The following MIA2 variants were observed in gnomAD, a reference collection of about 807,000 sequenced individuals.
MIA2 encodes MIA SH3 domain ER export factor 2.
In MIA2, 127 loss-of-function variants were observed where a neutral mutation model predicts 167.8. That is an observed-to-expected ratio of 0.76 (90% confidence interval 0.66 to 0.88). The LOEUF is 0.88. Ranked by LOEUF, MIA2 falls within the 40% of genes least tolerant of loss-of-function variation. MIA2 has a pLI of 0.00. For missense variants in MIA2, 1,690 were observed against 1,624.7 expected (o/e 1.04, Z -0.69); for synonymous variants, 552 against 541.9 (o/e 1.02, Z -0.26).
At chr14:39,325,355 T>C (rs745616049) in intron 24 of MIA2, among the ~76,000 whole-genome samples, 4 of 151,882 alleles carry the variant, frequency 2.6e-5, no homozygotes, top group East Asian at 1.9e-4. Flanking sequence ...ATATATTTTA[T>C]TGAATGTTAA....
intron 6 of MIA2, among the ~76,000 whole-genome samples, chr14:39,267,810 A>G (rs2056237023): frequency 6.6e-6 from 1 of 152,240 alleles, no homozygotes; most frequent in Non-Finnish European, 1.5e-5. Context: ...TCCTAAAACT[A>G]ATTAGCCTTT....
chr14:39,308,900 C>G (rs1416664980), intron 18 of MIA2, among the ~76,000 whole-genome samples: 1 of 152,048 alleles, frequency 6.6e-6, no homozygotes, highest in East Asian at 1.9e-4. Context: ...ATTAAACTGC[C>G]CATTAATTCC....
intron 25 of MIA2, among the ~76,000 whole-genome samples, chr14:39,334,526 T>C (rs912367720): frequency 1.3e-5 from 2 of 151,782 alleles, no homozygotes; most frequent in Non-Finnish European, 2.9e-5. Context: ...TTTTCTTTTA[T>C]GTTGTGTTTC....
At chr14:39,313,541 T>C (rs956157022) in intron 19 of MIA2, 100 bp downstream of exon 19, 2 of 665,510 alleles carry the variant, frequency 3.0e-6, no homozygotes, top group Non-Finnish European at 5.0e-6. Flanking sequence ...TAGAAAACAT[T>C]TTAAAATCTG....
chr14:39,333,048 A>G (rs1427236860), intron 25 of MIA2, among the ~76,000 whole-genome samples: 7 of 151,910 alleles, frequency 4.6e-5, no homozygotes, highest in Non-Finnish European at 1.5e-5. Context: ...TGAGTTTTTT[A>G]TCTTTTTATT....
chr14:39,385,446 T>A, intron 23 of MIA2: 2 of 1,291,144 alleles, frequency 1.5e-6, no homozygotes, highest in Non-Finnish European at 2.3e-6. Context: ...CAATCATCAG[T>A]CTTGGGTCAA....
intron 9 of MIA2, among the ~76,000 whole-genome samples, chr14:39,283,147 G>C (rs996515847): frequency 3.9e-5 from 6 of 152,166 alleles, no homozygotes; most frequent in Admixed American, 6.5e-5. Flanking sequence ...TTCATTGATA[G>C]ATACCTAGGT....
At chr14:39,248,852 A>G (rs1357432494) in intron 4 of MIA2, among the ~76,000 whole-genome samples, 4 of 151,674 alleles carry the variant, frequency 2.6e-5, no homozygotes, top group Non-Finnish European at 4.4e-5. Context: ...CAATTCTCTC[A>G]CCTTAGCCTC....
At chr14:39,357,446 C>T (rs1595935395) in intron 23 of MIA2, among the ~76,000 whole-genome samples, 1 of 152,154 alleles carries the variant, frequency 6.6e-6, no homozygotes, top group East Asian at 1.9e-4. Context: ...CTATGTATGT[C>T]TCTGCATGTG....
chr14:39,321,917 C>T (rs1218164126), intron 24 of MIA2, among the ~76,000 whole-genome samples: 5 of 151,922 alleles, frequency 3.3e-5, no homozygotes, highest in African/African-American at 1.2e-4. Flanking sequence ...CATGCCACCA[C>T]ACCTGGCTAA....
At chr14:39,343,847 A>G (rs2072604413) in intron 25 of MIA2, among the ~76,000 whole-genome samples, 1 of 152,110 alleles carries the variant, frequency 6.6e-6, no homozygotes, top group African/African-American at 2.4e-5. Flanking sequence ...GTATGTGTGT[A>G]TATGTATATG....
Position 39,288,432 on chromosome 14 carries a change from CATATATATATATATATATATATATAT to C in MIA2, c.2131-2568_2131-2543del, listed in dbSNP as rs759995143. On this transcript the variant is annotated intron_variant, in intron 9 of 28. Coordinates refer to ENST00000640607, the MANE Select transcript of MIA2 (RefSeq NM_001329214.4). ...TTGATTTGAGCGTGTATATATTATA[CATATATATATATATATATATATATAT>C]ATATATATATATATATATTTTTTTT... is the stretch of plus-strand genomic sequence containing the variant. 3.8e-5 allele frequency among the ~76,000 whole-genome samples: 2 copies of C among 52,896 alleles called. 1 individual carries two copies. The highest frequency in any genetic ancestry group is 6.3e-4 in the Admixed American group (2 of 3,192). 34.7% of individuals were successfully genotyped at this position (52,896 alleles called of 152,430 possible).
intron 13 of MIA2, among the ~76,000 whole-genome samples, chr14:39,297,136 C>T (rs1249855691): frequency 1.3e-5 from 2 of 150,750 alleles, no homozygotes; most frequent in Non-Finnish European, 3.0e-5. Context: ...ACTTTGTCAC[C>T]CAGTCTGGAG....
chr14:39,293,872 T>C, intron 11 of MIA2, 128 bp from the exon 12 acceptor site: 1 of 704,778 alleles, frequency 1.4e-6, no homozygotes, highest in Non-Finnish European at 2.5e-6. Context: ...CTAAATAAAC[T>C]GAGAAGGTTT....
chr14:39,354,269 A>G (rs1028787771), downstream of MIA2, among the ~76,000 whole-genome samples: 5 of 152,204 alleles, frequency 3.3e-5, no homozygotes, highest in Admixed American at 6.5e-5. Flanking sequence ...AACTGGTGTG[A>G]GATGGTATCT....
chr14:39,288,193 GGTGTGTGCCTATA>G (rs1204297125), intron 9 of MIA2, among the ~76,000 whole-genome samples: 2 of 151,908 alleles, frequency 1.3e-5, no homozygotes, highest in East Asian at 3.9e-4. Flanking sequence ...TGGACGTGAG[GGTGTGTGCCTATA>G]GTCCCACCTA....
chr14:39,329,660 T>G (rs1454769851), intron 25 of MIA2, among the ~76,000 whole-genome samples: 1 of 152,002 alleles, frequency 6.6e-6, no homozygotes, highest in Non-Finnish European at 1.5e-5. Context: ...TGAGTTTTTT[T>G]TTTTTTTTTT....
intron 6 of MIA2, among the ~76,000 whole-genome samples, chr14:39,263,965 T>C (rs151117252): frequency 1.2e-3 from 190 of 152,190 alleles, no homozygotes; most frequent in African/African-American, 4.2e-3. Flanking sequence ...CATGTTTATT[T>C]TGGATTCAAG....
chr14:39,271,765 C>G (rs1274438354), intron 6 of MIA2, among the ~76,000 whole-genome samples: 2 of 151,766 alleles, frequency 1.3e-5, no homozygotes, highest in African/African-American at 4.8e-5. Flanking sequence ...CTGTTGTGGT[C>G]TTTCTGCTCC....
Sources: allele counts gnomAD v4.1 joint callset (sites outside exome capture counted in the v4.1 genomes callset), GRCh38; gene constraint gnomAD v4.1.1; transcripts MANE v1.5; gene names NCBI Gene and HGNC (gene_info 2026-07-23, HGNC 2026-07-21).